The following MGLL variants were observed in gnomAD, a reference collection of about 807,000 sequenced individuals.
MGLL encodes the protein monoglyceride lipase, also known as lysophospholipase homolog.
In MGLL, 7 loss-of-function variants were observed where a neutral mutation model predicts 29.1. The ratio of observed to expected loss-of-function variants is 0.24; its 90% CI spans 0.14 to 0.45. The LOEUF (loss-of-function observed/expected upper bound fraction) is 0.45. Among genes scored for constraint, MGLL ranks in the 20% least tolerant of loss-of-function variants. The pLI, the probability that MGLL is intolerant of heterozygous loss-of-function variation, is 0.99. For missense variants in MGLL, 356 were observed against 413.6 expected, an observed-to-expected ratio of 0.86 and a Z score of 1.21; for synonymous variants, 148 against 168.3, an observed-to-expected ratio of 0.88 and a Z score of 0.93.
intron 2 of MGLL, among the ~76,000 whole-genome samples, chr3:127,816,040 C>T (rs1227512120): frequency 2.0e-5 from 3 of 152,190 alleles, no homozygotes; most frequent in Non-Finnish European, 2.9e-5. Flanking sequence ...GGAGCCAGGC[C>T]GTCCTCACCC....
chr3:127,783,165 A>AAAAG (rs1248897272), intron 2 of MGLL, among the ~76,000 whole-genome samples: 1 of 151,562 alleles, frequency 6.6e-6, no homozygotes, highest in Admixed American at 6.6e-5. Context: ...AAAAAAAAAA[A>AAAAG]AAAGAAGTAA....
At chr3:127,758,462 C>T (rs563179735) in intron 3 of MGLL, among the ~76,000 whole-genome samples, 4 of 152,306 alleles carry the variant, frequency 2.6e-5, no homozygotes, top group East Asian at 1.9e-4. Context: ...AATAAATACA[C>T]GAATGAGGCT....
chr3:127,722,593 A>G, intron 3 of MGLL, 27 bp from the exon 4 acceptor site: 1 of 1,614,184 alleles, frequency 6.2e-7, no homozygotes, highest in South Asian at 1.1e-5. Flanking sequence ...GATGAGAGAG[A>G]GCTGCAGTTA....
chr3:127,726,191 A>AGG (rs2076039603), intron 3 of MGLL, among the ~76,000 whole-genome samples: 1 of 31,078 alleles, frequency 3.2e-5, no homozygotes, highest in African/African-American at 1.2e-4. Flanking sequence ...AAAGAAAAGA[A>AGG]AAGAAAGAAA....
At chr3:127,803,674 T>C (rs1382467140) in intron 2 of MGLL, among the ~76,000 whole-genome samples, 1 of 152,150 alleles carries the variant, frequency 6.6e-6, no homozygotes, top group Admixed American at 6.5e-5. Context: ...GAGCCCTGAG[T>C]GTGCAGAGCA....
At chr3:127,723,087 T>C (rs2075963165) in intron 3 of MGLL, among the ~76,000 whole-genome samples, 1 of 152,186 alleles carries the variant, frequency 6.6e-6, no homozygotes, top group Non-Finnish European at 1.5e-5. Context: ...AGTCATCGGG[T>C]GTGCTTGCCA....
chr3:127,693,897 C>T (rs1258225683), intron 7 of MGLL, among the ~76,000 whole-genome samples: 1 of 152,174 alleles, frequency 6.6e-6, no homozygotes, highest in Non-Finnish European at 1.5e-5. Flanking sequence ...TTCGCAGGGA[C>T]TTGGCAAGGG....
intron 3 of MGLL, among the ~76,000 whole-genome samples, chr3:127,756,662 C>T (rs1486999323): frequency 6.6e-6 from 1 of 152,230 alleles, no homozygotes. Context: ...CCTACATTTT[C>T]AAACACAGGC....
chr3:127,820,016 G>A (rs542509749), intron 2 of MGLL, among the ~76,000 whole-genome samples: 87 of 152,256 alleles, frequency 5.7e-4, no homozygotes, highest in African/African-American at 2.1e-3. Flanking sequence ...ATAACACTAT[G>A]GAAAGTGTTC....
intron 5 of MGLL, 146 bp from the exon 6 acceptor site, chr3:127,710,811 C>T (rs1559914135): frequency 5.4e-6 from 4 of 743,894 alleles, no homozygotes; most frequent in Non-Finnish European, 9.5e-6. Flanking sequence ...CGTCCTTAAG[C>T]CTGCATGCCC....
intron 3 of MGLL, 77 bp from the exon 4 acceptor site, chr3:127,722,643 G>A: frequency 6.3e-7 from 1 of 1,588,120 alleles, no homozygotes; most frequent in Middle Eastern, 1.7e-4. Context: ...TCTCCTCACT[G>A]CAATCGCTCT....
intron 2 of MGLL, among the ~76,000 whole-genome samples, chr3:127,814,539 T>G (rs1266857485): frequency 6.6e-6 from 1 of 152,192 alleles, no homozygotes; most frequent in Non-Finnish European, 1.5e-5. Context: ...GGGATTAAGA[T>G]CTAAACCTAA....
In MGLL at chr3:127,821,994, C is replaced by T. The variant is rs146159077; in HGVS notation, c.11-156G>A. On this transcript the variant is annotated intron_variant, in intron 1 of 7. Transcript: ENST00000265052. ...GTTTAAAACATACATACATTTCTTG[C>T]AAACCTCTCCAAGACTGAAAAATCC... 4.9e-4 allele frequency: 403 copies of T among 816,692 alleles called. 2 individuals carry two copies. The East Asian group carries it at 9.1e-3, about 18-fold the overall frequency. The allele number at this position is 816,692 out of a possible 1,614,324, so 50.6% of individuals were successfully genotyped here. A position where few individuals can be genotyped will look rare whatever the true frequency, so the allele number is the denominator to read the frequency against.
intron 2 of MGLL, among the ~76,000 whole-genome samples, chr3:127,793,156 G>A (rs1262686943): frequency 1.3e-5 from 2 of 152,158 alleles, no homozygotes; most frequent in Admixed American, 1.3e-4. Context: ...TAAAGCAATC[G>A]GAGTCGACCA....
At chr3:127,804,025 T>C (rs571588409) in intron 2 of MGLL, among the ~76,000 whole-genome samples, 1 of 152,328 alleles carries the variant, frequency 6.6e-6, no homozygotes, top group Non-Finnish European at 1.5e-5. Flanking sequence ...CTTCTTGTGT[T>C]ACAATAAAAT....
intron 3 of MGLL, among the ~76,000 whole-genome samples, chr3:127,760,146 G>A (rs1396602141): frequency 1.3e-5 from 2 of 152,220 alleles, no homozygotes; most frequent in African/African-American, 4.8e-5. Flanking sequence ...CACAGGGGTG[G>A]AAGCATCCAT....
At chr3:127,765,713 C>T (rs745882451) in intron 3 of MGLL, among the ~76,000 whole-genome samples, 1 of 152,224 alleles carries the variant, frequency 6.6e-6, no homozygotes, top group Non-Finnish European at 1.5e-5. Flanking sequence ...TGAAGGGAAG[C>T]CCAGAAGGCT....
At position 127,691,696 on chromosome 3, in the gene MGLL, G is replaced by A. The variant is rs149302095; in HGVS notation, c.*502C>T. ...CATTTTCTGAGCCTCAGAGGGGCACGTGAGTCTGCCCTGGGGAGCTGGCCC... is the reference window on the plus strand; with the variant it reads ...CATTTTCTGAGCCTCAGAGGGGCACATGAGTCTGCCCTGGGGAGCTGGCCC... On this transcript the variant is annotated 3_prime_UTR_variant, in exon 8 of 8. Transcript: ENST00000265052. The A allele has an allele frequency of 9.5e-4, 162 of 170,430 alleles. No homozygotes were observed. The highest frequency in any genetic ancestry group is 1.5e-3 in the Non-Finnish European group (115 of 78,292). 10.6% of individuals were successfully genotyped at this position (170,430 alleles called of 1,614,324 possible). A position where few individuals can be genotyped will look rare whatever the true frequency, so the allele number is the denominator to read the frequency against.
intron 6 of MGLL, among the ~76,000 whole-genome samples, chr3:127,706,634 T>C (rs1319398582): frequency 3.9e-5 from 6 of 152,302 alleles, no homozygotes; most frequent in Middle Eastern, 3.4e-3. Flanking sequence ...TGCCTGTTGT[T>C]TTTTTAGGGC....
Sources: gnomAD v4.1 joint callset for allele counts (sites outside exome capture counted in the v4.1 genomes callset) on GRCh38, gnomAD v4.1.1 for gene constraint, MANE v1.5 for transcripts, NCBI Gene and HGNC (gene_info 2026-07-23, HGNC 2026-07-21) for gene names.